SCAI: variants seen among roughly 807,000 people sequenced by gnomAD.
SCAI encodes protein SCAI.
SCAI carries 24 observed loss-of-function variants against 92.2 expected under a neutral mutation model. The observed-to-expected ratio is 0.26, with a 90% CI of 0.19 to 0.37. SCAI has a LOEUF of 0.37. Among genes scored for constraint, SCAI ranks in the 10% least tolerant of loss-of-function variants. The pLI is 1.00. For synonymous variants in SCAI, 261 were observed against 258.6 expected (o/e 1.01, Z -0.09); for missense variants, 450 against 736.2 (o/e 0.61, Z 4.50).
chr9:125,132,880 A>C (rs762108179), intron 2 of SCAI, among the ~76,000 whole-genome samples: 17 of 152,188 alleles, frequency 1.1e-4, no homozygotes, highest in Non-Finnish European at 2.4e-4. Context: ...CAGGAGAATC[A>C]CTTGAACTTG....
intron 17 of SCAI, among the ~76,000 whole-genome samples, chr9:124,959,759 C>T (rs971044468): frequency 1.5e-5 from 2 of 132,710 alleles, no homozygotes; most frequent in African/African-American, 2.8e-5. Flanking sequence ...TTGTTCAGTT[C>T]CCACCTATGA....
At chr9:125,029,452 A>G (rs757723925) in intron 4 of SCAI, among the ~76,000 whole-genome samples, 192 bp downstream of exon 4, 1 of 152,220 alleles carries the variant, frequency 6.6e-6, no homozygotes, top group Non-Finnish European at 1.5e-5. Context: ...TAAATAGGAA[A>G]GAAATAAATT....
chr9:125,129,454 CTTTTTTTTTTTTTTTT>C (rs1171739834), intron 2 of SCAI, among the ~76,000 whole-genome samples: 1 of 67,576 alleles, frequency 1.5e-5, no homozygotes, highest in South Asian at 6.2e-4. Flanking sequence ...ATTAGAATTT[CTTTTTTTTTTTTTTTT>C]TTTTTTTTTT....
At chr9:125,095,481 T>G (rs945526280) in intron 2 of SCAI, among the ~76,000 whole-genome samples, 1 of 152,244 alleles carries the variant, frequency 6.6e-6, no homozygotes, top group Admixed American at 6.5e-5. Flanking sequence ...ATCCCTATAA[T>G]AGATAGTCCT....
rs1251534110 is a variant in SCAI at position 124,947,602 on chromosome 9, C to T, written c.*5205G>A. The T allele has an allele frequency of 6.6e-6, 1 of 152,138 alleles. No individual in the cohort carries two copies. The highest frequency in any genetic ancestry group is 6.5e-5 in the Admixed American group (1 of 15,270). The allele number at this position is 152,138 out of a possible 1,614,324, so 9.4% of individuals were successfully genotyped here. Reference sequence around the variant, plus strand: ...AATGGGTATGGGTACATAATATACACATACTGTATCACTGCATACCAATAT... The same window carrying T: ...AATGGGTATGGGTACATAATATACATATACTGTATCACTGCATACCAATAT... On this transcript the variant is annotated 3_prime_UTR_variant, in exon 18 of 18. Coordinates refer to ENST00000336505, the MANE Select transcript of SCAI (RefSeq NM_001144877.3).
chr9:125,067,665 C>T (rs1349243414), intron 2 of SCAI, among the ~76,000 whole-genome samples: 3 of 152,098 alleles, frequency 2.0e-5, no homozygotes, highest in African/African-American at 7.2e-5. Flanking sequence ...TTTAAGCCAC[C>T]CAGCTTGTCA....
chr9:124,957,093 G>A (rs1395864218), intron 17 of SCAI, among the ~76,000 whole-genome samples: 12 of 151,718 alleles, frequency 7.9e-5, no homozygotes, highest in Middle Eastern at 3.4e-3. Context: ...CCAGGCTCAA[G>A]TGATCCTGTT....
chr9:125,106,539 C>T (rs1181654326), intron 2 of SCAI, among the ~76,000 whole-genome samples: 1 of 151,956 alleles, frequency 6.6e-6, no homozygotes, highest in African/African-American at 2.4e-5. Flanking sequence ...ACATTCTTCC[C>T]AAACATGTGA....
intron 9 of SCAI, among the ~76,000 whole-genome samples, chr9:125,006,707 G>C (rs1832517296): frequency 6.6e-6 from 1 of 152,108 alleles, no homozygotes; most frequent in South Asian, 2.1e-4. Flanking sequence ...GGTCAGGCTG[G>C]TATTGAACTC....
intron 2 of SCAI, among the ~76,000 whole-genome samples, chr9:125,138,524 C>A (rs1302315767): frequency 6.6e-6 from 1 of 152,104 alleles, no homozygotes; most frequent in African/African-American, 2.4e-5. Flanking sequence ...ACGTCATTCT[C>A]CTGCCTCAGC....
At chr9:124,965,458 A>T (rs759918299) in intron 17 of SCAI, among the ~76,000 whole-genome samples, 1 of 152,046 alleles carries the variant, frequency 6.6e-6, no homozygotes, top group Non-Finnish European at 1.5e-5. Flanking sequence ...TGGTCTTGAA[A>T]TCTTGACCTA....
chr9:125,102,711 C>T (rs999703363), intron 2 of SCAI, among the ~76,000 whole-genome samples: 2 of 152,150 alleles, frequency 1.3e-5, no homozygotes, highest in Admixed American at 1.3e-4. Context: ...AATTCTCCTG[C>T]CTCAGCTTCC....
At chr9:125,108,115 G>C (rs1324202413) in intron 2 of SCAI, among the ~76,000 whole-genome samples, 1 of 152,256 alleles carries the variant, frequency 6.6e-6, no homozygotes, top group Non-Finnish European at 1.5e-5. Context: ...ATTGCAGACG[G>C]AGTCTCATTC....
chr9:125,099,351 G>A (rs534901977), intron 2 of SCAI, among the ~76,000 whole-genome samples: 1 of 151,378 alleles, frequency 6.6e-6, no homozygotes, highest in African/African-American at 2.4e-5. Flanking sequence ...GCAGCAGTGC[G>A]ATCTCAGTTC....
chr9:124,975,258 G>A (rs1216376204), intron 15 of SCAI: 7 of 449,656 alleles, frequency 1.6e-5, no homozygotes, highest in South Asian at 4.7e-5. Flanking sequence ...TTAAAACAAC[G>A]GTGAAAGCCT....
intron 14 of SCAI, among the ~76,000 whole-genome samples, chr9:124,984,552 C>G (rs1225576138): frequency 1.3e-5 from 2 of 151,966 alleles, no homozygotes; most frequent in Non-Finnish European, 2.9e-5. Context: ...ACAGGATTTC[C>G]TAAAATGGAT....
intron 2 of SCAI, among the ~76,000 whole-genome samples, chr9:125,116,402 T>C (rs1835047380): frequency 6.6e-6 from 1 of 152,018 alleles, no homozygotes; most frequent in Admixed American, 6.6e-5. Context: ...AAGCAAAATC[T>C]AGAATGAATA....
intron 2 of SCAI, among the ~76,000 whole-genome samples, chr9:125,084,870 T>C (rs1337433328): frequency 6.6e-6 from 1 of 152,206 alleles, no homozygotes; most frequent in Non-Finnish European, 1.5e-5. Flanking sequence ...AAAAATCTAA[T>C]AAGCTAAATA....
At chr9:124,999,386 CAA>C (rs879464843) in intron 13 of SCAI, among the ~76,000 whole-genome samples, 14 of 116,876 alleles carry the variant, frequency 1.2e-4, no homozygotes, top group Admixed American at 1.8e-4. Flanking sequence ...GACTCCATCT[CAA>C]AAAAAAAAAA....
Sources: allele counts gnomAD v4.1 joint callset (sites outside exome capture counted in the v4.1 genomes callset), GRCh38; gene constraint gnomAD v4.1.1; transcripts MANE v1.5; gene names NCBI Gene and HGNC (gene_info 2026-07-23, HGNC 2026-07-21).